The following TC2N variants were observed in gnomAD, a reference collection of about 807,000 sequenced individuals.
TC2N encodes tandem C2 domains, nuclear.
Under a neutral mutation model 61.9 loss-of-function variants are expected in TC2N, and 51 were observed. The observed-to-expected ratio is 0.82, with a 90% confidence interval of 0.66 to 1.04. The LOEUF (loss-of-function observed/expected upper bound fraction) is 1.04. Ranked by LOEUF, TC2N falls within the 50% of genes least tolerant of loss-of-function variation. The pLI, the probability that TC2N is intolerant of heterozygous loss-of-function variation, is 0.00. For synonymous variants in TC2N, 204 were observed against 192.6 expected (o/e 1.06, Z -0.49); for missense variants, 556 against 566.7 (o/e 0.98, Z 0.19).
chr14:91,840,888 AG>A (rs563685927), intron 1 of TC2N, among the ~76,000 whole-genome samples: 270 of 152,304 alleles, frequency 1.8e-3, no homozygotes, highest in Non-Finnish European at 2.6e-3. Context: ...CTCCACCAGG[AG>A]AACTAATCAT....
At chr14:91,807,819 CA>C (rs1283186706) in intron 3 of TC2N, among the ~76,000 whole-genome samples, 5 of 152,000 alleles carry the variant, frequency 3.3e-5, no homozygotes, top group African/African-American at 1.2e-4. Flanking sequence ...TGGGAGGGGC[CA>C]GGGGCAGAAT....
intron 1 of TC2N, among the ~76,000 whole-genome samples, chr14:91,833,470 A>C (rs1315359473): frequency 6.6e-6 from 1 of 152,148 alleles, no homozygotes. Context: ...TAAATTTCAC[A>C]TATTTAAAAT....
chr14:91,827,210 C>T lies in TC2N; in HGVS notation c.-56-13385G>A, dbSNP rs185170384. ...ATCTTCATTTTTTTCCCTCCAATAG[C>T]TTGGATATTGTATTACTTTCCTATT... On this transcript the variant is annotated intron_variant, in intron 1 of 11. Coordinates refer to ENST00000435962, the MANE Select transcript of TC2N (RefSeq NM_001128596.3). Among the ~76,000 whole-genome samples the T allele has an allele frequency of 1.7e-4, 26 of 152,206 alleles. No individual in the cohort carries two copies. The East Asian group carries it at 5.0e-3, about 29-fold the overall frequency.
intron 1 of TC2N, among the ~76,000 whole-genome samples, chr14:91,848,494 T>G (rs935478271): frequency 1.3e-5 from 2 of 152,226 alleles, no homozygotes; most frequent in African/African-American, 4.8e-5. Flanking sequence ...TCTGCGTATT[T>G]ATTCCAGCTC....
intron 1 of TC2N, among the ~76,000 whole-genome samples, chr14:91,815,544 G>C (rs1886969317): frequency 6.6e-6 from 1 of 151,618 alleles, no homozygotes; most frequent in African/African-American, 2.4e-5. Flanking sequence ...CAGTGCCTTT[G>C]TTCTAAATGC....
intron 9 of TC2N, among the ~76,000 whole-genome samples, chr14:91,788,027 T>C (rs1433984915): frequency 2.6e-5 from 4 of 152,062 alleles, no homozygotes; most frequent in Non-Finnish European, 4.4e-5. Context: ...AAAAGTTACA[T>C]ATGAAAATCA....
intron 1 of TC2N, among the ~76,000 whole-genome samples, chr14:91,819,710 A>G (rs1887160932): frequency 6.6e-6 from 1 of 152,182 alleles, no homozygotes; most frequent in Non-Finnish European, 1.5e-5. Flanking sequence ...ATACTGAGAC[A>G]AAAGGTTTGT....
chr14:91,795,893 CAT>C (rs1175002220), intron 8 of TC2N, among the ~76,000 whole-genome samples: 2 of 152,062 alleles, frequency 1.3e-5, no homozygotes, highest in African/African-American at 4.8e-5. Context: ...AGTCTCAAGT[CAT>C]AGAATCACAC....
intron 1 of TC2N, among the ~76,000 whole-genome samples, chr14:91,838,955 A>G (rs1340850615): frequency 1.3e-5 from 2 of 152,162 alleles, no homozygotes; most frequent in Non-Finnish European, 2.9e-5. Context: ...TCAAAATACT[A>G]TGAACGGGTT....
intron 1 of TC2N, among the ~76,000 whole-genome samples, chr14:91,830,043 A>G (rs1887682045): frequency 6.6e-6 from 1 of 152,198 alleles, no homozygotes; most frequent in African/African-American, 2.4e-5. Context: ...CAGACAAAAA[A>G]TAAGTGTTGG....
chr14:91,803,378 T>TACACAC (rs1366687041), intron 3 of TC2N, among the ~76,000 whole-genome samples: 6 of 125,244 alleles, frequency 4.8e-5, no homozygotes, highest in South Asian at 5.5e-4. Context: ...TACATACATA[T>TACACAC]ATACACACAC....
Position 91,792,456 on chromosome 14 carries a change from T to G in TC2N, c.958A>C (p.Thr320Pro). 6.2e-7 allele frequency: 1 copy of G among 1,611,474 alleles called. No individual in the cohort carries two copies. Among genetic ancestry groups the G allele is most frequent in the Non-Finnish European group, 8.5e-7 (1 of 1,178,274 alleles). ...KIQTQTPRKK[T>P]IGECSMSLRT... The stretch of plus-strand genomic sequence containing the variant: ...AGTGACATTGAGCATTCTCCAATGG[T>G]TTTCTTCCTGGGAGTCTGGGTTTGA... Residue 320 changes from threonine to proline, a missense_variant, in exon 9 of 12, where the codon ACC becomes CCC. Physicochemically the swap from Thr to Pro is conservative, Grantham distance 38. Coordinates refer to ENST00000435962, the MANE Select transcript of TC2N (RefSeq NM_001128596.3).
At chr14:91,785,432 C>A in intron 10 of TC2N, 71 bp from the exon 11 acceptor site, 1 of 1,092,966 alleles carries the variant, frequency 9.1e-7, no homozygotes, top group Non-Finnish European at 1.4e-6. Context: ...ATATACACAT[C>A]CAAGTTGGAA....
At chr14:91,835,895 G>A (rs1179572790) in intron 1 of TC2N, among the ~76,000 whole-genome samples, 1 of 152,104 alleles carries the variant, frequency 6.6e-6, no homozygotes, top group African/African-American at 2.4e-5. Flanking sequence ...CAGGGAGCCG[G>A]GCGCCCGGCG....
chr14:91,840,764 T>C (rs1235888946), intron 1 of TC2N, among the ~76,000 whole-genome samples: 1 of 152,204 alleles, frequency 6.6e-6, no homozygotes, highest in Non-Finnish European at 1.5e-5. Context: ...TAGGAACTAT[T>C]TGTAGTGAGA....
intron 1 of TC2N, among the ~76,000 whole-genome samples, chr14:91,822,833 G>C (rs1436502919): frequency 6.6e-6 from 1 of 150,416 alleles, no homozygotes; most frequent in Non-Finnish European, 1.5e-5. Flanking sequence ...TCCTGCCTTA[G>C]CCTCCCAAGT....
chr14:91,865,150 C>T (rs905857063), intron 1 of TC2N, among the ~76,000 whole-genome samples: 2 of 152,158 alleles, frequency 1.3e-5, no homozygotes, highest in Non-Finnish European at 2.9e-5. Flanking sequence ...ATGCAGTTCC[C>T]CTCTGAAAGA....
At chr14:91,791,109 C>T (rs1433327808) in intron 9 of TC2N, among the ~76,000 whole-genome samples, 1 of 146,464 alleles carries the variant, frequency 6.8e-6, no homozygotes, top group African/African-American at 2.5e-5. Context: ...CCATGCTGGG[C>T]TACAGAGCTT....
intron 1 of TC2N, among the ~76,000 whole-genome samples, chr14:91,827,789 C>T (rs185883513): frequency 1.5e-4 from 23 of 152,274 alleles, no homozygotes; most frequent in African/African-American, 5.5e-4. Context: ...TTTTAATACA[C>T]ACACTTAACA....
Sources: gnomAD v4.1 joint callset for allele counts (sites outside exome capture counted in the v4.1 genomes callset) on GRCh38, gnomAD v4.1.1 for gene constraint, MANE v1.5 for transcripts, NCBI Gene and HGNC (gene_info 2026-07-23, HGNC 2026-07-21) for gene names.